The following PPP2R3C variants were observed in gnomAD, a reference collection of about 807,000 sequenced individuals.
PPP2R3C encodes protein phosphatase 2 regulatory subunit B''gamma.
In PPP2R3C, 47 loss-of-function variants were observed where a neutral mutation model predicts 63.7. That is an observed-to-expected ratio of 0.74 (90% CI 0.58 to 0.94). The LOEUF is 0.94. Ranked by LOEUF, PPP2R3C falls within the 40% of genes least tolerant of loss-of-function variation. The pLI is 0.00. For missense variants in PPP2R3C, 421 were observed against 518.4 expected, an observed-to-expected ratio of 0.81 and a Z score of 1.82; for synonymous variants, 180 against 177.4, an observed-to-expected ratio of 1.01 and a Z score of -0.12.
intron 6 of PPP2R3C, among the ~76,000 whole-genome samples, chr14:35,103,686 G>GA (rs1043493419): frequency 6.6e-6 from 1 of 151,516 alleles, no homozygotes; most frequent in African/African-American, 2.4e-5. Context: ...ACAAAAAAAA[G>GA]AAAAAAAAGA....
At chr14:35,096,478 G>GT in intron 9 of PPP2R3C, 80 bp downstream of exon 9, 1 of 1,195,964 alleles carries the variant, frequency 8.4e-7, no homozygotes, top group Non-Finnish European at 1.2e-6. Flanking sequence ...GTATATCAGT[G>GT]TATGTATAAA....
intron 3 of PPP2R3C, 133 bp from the exon 4 acceptor site, chr14:35,110,064 ATTATCCT>A: frequency 1.6e-6 from 1 of 636,240 alleles, no homozygotes; most frequent in Non-Finnish European, 2.6e-6. Flanking sequence ...CTCATGCCCT[ATTATCCT>A]TTTGATTACT....
At chr14:35,108,080 A>G (rs1490519239) in intron 5 of PPP2R3C, 59 bp downstream of exon 5, 1 of 1,578,126 alleles carries the variant, frequency 6.3e-7, no homozygotes, top group Admixed American at 2.0e-5. Context: ...ATAAAAGCAC[A>G]GACCAAAAAC....
chr14:35,114,360 A>G (rs2046647856), intron 2 of PPP2R3C, among the ~76,000 whole-genome samples: 1 of 152,218 alleles, frequency 6.6e-6, no homozygotes, highest in Non-Finnish European at 1.5e-5. Flanking sequence ...TGAGAAGTAT[A>G]TAGTATTATA....
At position 35,087,984 on chromosome 14, in the gene PPP2R3C, A is replaced by C; in HGVS notation, c.1140T>G (p.His380Gln). The C allele has an allele frequency of 6.2e-7, 1 of 1,600,488 alleles. No individual in the cohort carries two copies. Among genetic ancestry groups the C allele is most frequent in the Non-Finnish European group, 8.6e-7 (1 of 1,167,696 alleles). Residue 380 changes from histidine (H) to glutamine (Q), a missense_variant, in exon 12 of 13, where the codon CAT (histidine) becomes CAG (glutamine). By Grantham distance (24) the His-to-Gln change is conservative (BLOSUM62 0). Coordinates refer to ENST00000261475, the MANE Select transcript of PPP2R3C (RefSeq NM_017917.4). The part of the protein sequence containing the change: ...FRAIQELMKI[H>Q]GQDPVSFQDV... The stretch of plus-strand genomic sequence containing the variant: ...CTTGAAATGAAACAGGATCTTGTCC[A>C]TGGATTTTCATTAGTTCCTGTATGG...
intron 6 of PPP2R3C, among the ~76,000 whole-genome samples, chr14:35,103,154 T>C (rs61492899): frequency 0.11 from 16,352 of 152,230 alleles, 1,089 homozygotes; most frequent in African/African-American, 0.19. Flanking sequence ...AAACTTCCGA[T>C]GGTTTCCCGT....
intron 1 of PPP2R3C, among the ~76,000 whole-genome samples, chr14:35,118,748 G>A: frequency 6.7e-6 from 1 of 148,378 alleles, no homozygotes; most frequent in East Asian, 2.0e-4. Flanking sequence ...TCACCTCCTG[G>A]GTTGAAGTGA....
Position 35,099,243 on chromosome 14 carries a change from T to C in PPP2R3C, c.706+9A>G. ...CATAATATCTAAGTTAGATAAGATT[T>C]TCTTTTACCTGTTCTTAAAGGATCT... On this transcript the variant is annotated intron_variant, in intron 7 of 12. Transcript: ENST00000261475. 2 of 1,552,398 alleles carry C rather than the reference T, an allele frequency of 1.3e-6. No individual in the cohort carries two copies. The highest frequency in any genetic ancestry group is 1.7e-6 in the Non-Finnish European group (2 of 1,158,820).
At position 35,109,560 on chromosome 14, in the gene PPP2R3C, C is replaced by A. The variant is rs576672916; in HGVS notation, c.404+259G>T. Among the ~76,000 whole-genome samples the A allele has an allele frequency of 3.3e-5, 5 of 151,880 alleles. No individual in the cohort carries two copies. In the East Asian group the frequency reaches 9.7e-4, roughly 29 times the overall value. ...GTGGCTTAATCACAGCTCATCCTCC[C>A]GGGCTCAAGCAATTCTCCCACCTCA... On this transcript the variant is annotated intron_variant, in intron 4 of 12. Transcript: ENST00000261475.
intron 1 of PPP2R3C, among the ~76,000 whole-genome samples, chr14:35,118,335 A>G (rs1279061081): frequency 6.6e-6 from 1 of 152,242 alleles, no homozygotes; most frequent in Non-Finnish European, 1.5e-5. Context: ...ATGATACAGG[A>G]GAAGGGACAA....
At position 35,107,324 on chromosome 14, in the gene PPP2R3C, G is replaced by A. The variant is rs2046396999; in HGVS notation, c.553C>T (p.Gln185Ter). 1 of 1,608,440 alleles carries A rather than the reference G, an allele frequency of 6.2e-7. No individual in the cohort carries two copies. Among genetic ancestry groups the A allele is most frequent in the Non-Finnish European group, 8.5e-7 (1 of 1,174,852 alleles). The change falls in exon 6 of 13, where the codon CAG becomes TAG. Residue 185 changes from glutamine to a stop codon, truncating the protein, a stop_gained. Transcript: ENST00000261475. LOFTEE classifies it high-confidence loss of function. ...CTTACAGATTCCCGAAGGTACCCCT[G>A]CCCAGCGACATCATATAAACTGAGT... is the stretch of plus-strand genomic sequence containing the variant. ...IGLSLYDVAG[Q>*]GYLRESDLEN...
intron 11 of PPP2R3C, among the ~76,000 whole-genome samples, chr14:35,090,497 C>A (rs1379705716): frequency 6.6e-6 from 1 of 150,998 alleles, no homozygotes; most frequent in Non-Finnish European, 1.5e-5. Context: ...CAGAGCCAGA[C>A]CCTTTCTCAA....
chr14:35,122,028 G>A, upstream of PPP2R3C: 1 of 1,560,638 alleles, frequency 6.4e-7, no homozygotes. Context: ...CAGCTCAGGC[G>A]TCAGCACCGC....
intron 6 of PPP2R3C, among the ~76,000 whole-genome samples, chr14:35,105,394 G>A (rs1033191619): frequency 9.5e-4 from 144 of 151,922 alleles, no homozygotes; most frequent in African/African-American, 3.3e-3. Context: ...TGTTGGTCAG[G>A]CTGGTCTTGA....
chr14:35,103,703 G>C (rs955829309), intron 6 of PPP2R3C, among the ~76,000 whole-genome samples: 1 of 152,032 alleles, frequency 6.6e-6, no homozygotes. Context: ...AAGAAATCTG[G>C]GCAAACAGAT....
chr14:35,108,123 A>C lies in PPP2R3C; in HGVS notation c.502+16T>G. ...ATTCCCAGATAAGGAGTTCAAGCACAGTAAAAATGAATCACCTTTTCTCAT... is the reference window on the plus strand; with the variant it reads ...ATTCCCAGATAAGGAGTTCAAGCACCGTAAAAATGAATCACCTTTTCTCAT... On this transcript the variant is annotated intron_variant, in intron 5 of 12. Transcript: ENST00000261475. The C allele has an allele frequency of 6.2e-7, 1 of 1,606,048 alleles. No individual in the cohort carries two copies. Among genetic ancestry groups the C allele is most frequent in the Non-Finnish European group, 8.5e-7 (1 of 1,178,036 alleles).
At chr14:35,091,508 C>A (rs1263718223) in intron 10 of PPP2R3C, among the ~76,000 whole-genome samples, 4 of 151,928 alleles carry the variant, frequency 2.6e-5, no homozygotes, top group Non-Finnish European at 5.9e-5. Context: ...GCTGGGATTA[C>A]AGGCATGTGC....
rs1207881146 is a variant in PPP2R3C, at chr14:35,096,568, T to A, written c.828A>T (p.Leu276=). The change falls in exon 9 of 13, where the codon CTA becomes CTT. Residue 276 remains leucine (L), a synonymous_variant. Transcript: ENST00000261475. ...ATGATAGGAACATACCATAAACTCTTAGGGCAGAAGGAGCAGAAAACCAAT... is the reference window on the plus strand; with the variant it reads ...ATGATAGGAACATACCATAAACTCTAAGGGCAGAAGGAGCAGAAAACCAAT... ...ETNWFSAPSA[L]RVYGQYLNLD... 2 of 1,612,796 alleles carry A rather than the reference T, an allele frequency of 1.2e-6. No individual in the cohort carries two copies.
At chr14:35,104,172 T>G (rs971222699) in intron 6 of PPP2R3C, among the ~76,000 whole-genome samples, 8 of 152,214 alleles carry the variant, frequency 5.3e-5, no homozygotes, top group African/African-American at 1.9e-4. Context: ...TACTCCAGTT[T>G]TGGACCTGAC....
Sources: allele counts gnomAD v4.1 joint callset (sites outside exome capture counted in the v4.1 genomes callset), GRCh38; gene constraint gnomAD v4.1.1; transcripts MANE v1.5; gene names NCBI Gene and HGNC (gene_info 2026-07-23, HGNC 2026-07-21).